Variants in PTPRD observed in about 807,000 individuals in gnomAD.
The protein encoded by PTPRD is protein tyrosine phosphatase receptor type D, also known as receptor-type tyrosine-protein phosphatase delta.
PTPRD carries 34 observed loss-of-function variants against 214.5 expected under a neutral mutation model. The observed-to-expected ratio is 0.16, with a 90% CI of 0.12 to 0.21. The LOEUF (loss-of-function observed/expected upper bound fraction) is 0.21. PTPRD is among the 10% of genes least tolerant of loss of function. The pLI, the probability that PTPRD is intolerant of heterozygous loss-of-function variation, is 1.00. For synonymous variants in PTPRD, 1,128 were observed against 845.7 expected, an observed-to-expected ratio of 1.33 and a Z score of -5.79; for missense variants, 2,545 against 2,398.7, an observed-to-expected ratio of 1.06 and a Z score of -1.27.
chr9:10,075,858 T>C (rs1196044728), intron 3 of PTPRD, among the ~76,000 whole-genome samples: 3 of 152,128 alleles, frequency 2.0e-5, no homozygotes, highest in Admixed American at 6.6e-5. Context: ...CTATCCAAGA[T>C]ATCTGCTTCA....
At chr9:10,031,486 T>A (rs2097066020) in intron 4 of PTPRD, among the ~76,000 whole-genome samples, 1 of 151,506 alleles carries the variant, frequency 6.6e-6, no homozygotes, top group Non-Finnish European at 1.5e-5. Context: ...TCTCCAGTGC[T>A]GGATGCTTCC....
intron 3 of PTPRD, among the ~76,000 whole-genome samples, chr9:10,281,826 T>C (rs1301063261): frequency 6.6e-6 from 1 of 152,178 alleles, no homozygotes; most frequent in African/African-American, 2.4e-5. Flanking sequence ...AAAGGTTTTT[T>C]AAGTGAACAT....
At position 9,030,276 on chromosome 9, in the gene PTPRD, C is replaced by CTTTTTTTTT. The variant is rs71317396; in HGVS notation, c.-142-11550_-142-11542dup. On this transcript the variant is annotated intron_variant, in intron 10 of 45. Transcript: ENST00000381196. ...TTGGATCACATGGGCCACACTTGGG[C>CTTTTTTTTT]TTTTTTTTTTTTTTTTTTTTTTTTT... 9.0e-4 allele frequency among the ~76,000 whole-genome samples: 34 copies of CTTTTTTTTT among 37,924 alleles called. 1 individual carries two copies. Among genetic ancestry groups the CTTTTTTTTT allele is most frequent in the African/African-American group, 1.5e-3 (14 of 9,206 alleles). The allele number at this position is 37,924 out of a possible 152,430, so 24.9% of individuals were successfully genotyped here. A position where few individuals can be genotyped will look rare whatever the true frequency, so the allele number is the denominator to read the frequency against.
chr9:9,167,823 T>A lies in PTPRD; in HGVS notation c.-143+15481A>T, dbSNP rs117231659. Among the ~76,000 whole-genome samples the A allele has an allele frequency of 5.8e-3, 886 of 152,242 alleles. 6 individuals are homozygous for A. The highest frequency in any genetic ancestry group is 0.01 in the Non-Finnish European group (696 of 68,004). The stretch of plus-strand genomic sequence containing the variant: ...TACAAAAAAGCAAAATTAATTTTTA[T>A]CCTGAATTTTAAACTCATTTTACAG... On this transcript the variant is annotated intron_variant, in intron 10 of 45. Coordinates refer to ENST00000381196, the MANE Select transcript of PTPRD (RefSeq NM_002839.4).
At chr9:9,149,839 G>A (rs1045091640) in intron 10 of PTPRD, among the ~76,000 whole-genome samples, 11 of 152,140 alleles carry the variant, frequency 7.2e-5, no homozygotes, top group Non-Finnish European at 1.3e-4. Context: ...TCATGAGGGC[G>A]TATCACTGAG....
At chr9:9,385,541 C>G (rs1413473486) in intron 9 of PTPRD, among the ~76,000 whole-genome samples, 1 of 152,090 alleles carries the variant, frequency 6.6e-6, no homozygotes, top group African/African-American at 2.4e-5. Context: ...ATAAAGTTAC[C>G]AGTCCTTTCA....
At chr9:8,887,610 AT>A (rs1014842655) in intron 11 of PTPRD, among the ~76,000 whole-genome samples, 14 of 151,942 alleles carry the variant, frequency 9.2e-5, no homozygotes, top group Admixed American at 1.3e-4. Flanking sequence ...AGATTACAAC[AT>A]TTTTTTATTG....
In PTPRD at chr9:8,636,859, A is replaced by G. The variant is rs573935566; in HGVS notation, c.65-15T>C. On this transcript the variant is annotated splice_polypyrimidine_tract_variant and intron_variant, in intron 12 of 45. Transcript: ENST00000381196. ...CCTTGGAGGTGCTGAAATAAAAAAT[A>G]AACATCACAGTTAAATTGAAAACTG... is the stretch of plus-strand genomic sequence containing the variant. 22 of 1,609,412 alleles carry G rather than the reference A, an allele frequency of 1.4e-5. No homozygotes were observed. The African/African-American group carries it at 2.5e-4, about 19-fold the overall frequency.
Position 10,443,845 on chromosome 9 carries a change from T to TCACACACACACACACACA in PTPRD, c.-599-102846_-599-102829dup, listed in dbSNP as rs141638837. On this transcript the variant is annotated intron_variant, in intron 2 of 45. Transcript: ENST00000381196. The stretch of plus-strand genomic sequence containing the variant: ...CTACACAGAGCTATTTACCTCAAAT[T>TCACACACACACACACACA]CACACACACACACACACACAAATGT... Among the ~76,000 whole-genome samples the TCACACACACACACACACA allele has an allele frequency of 6.2e-3, 922 of 148,692 alleles. 6 individuals are homozygous for TCACACACACACACACACA. Among genetic ancestry groups the TCACACACACACACACACA allele is most frequent in the African/African-American group, 0.022 (878 of 40,670 alleles).
chr9:10,388,851 A>G (rs1409958503), intron 2 of PTPRD, among the ~76,000 whole-genome samples: 1 of 151,916 alleles, frequency 6.6e-6, no homozygotes, highest in East Asian at 1.9e-4. Flanking sequence ...CAGAGAGACT[A>G]GAATTTAGTA....
intron 4 of PTPRD, among the ~76,000 whole-genome samples, chr9:10,028,865 A>G (rs1208949376): frequency 2.0e-5 from 3 of 152,326 alleles, no homozygotes; most frequent in Non-Finnish European, 2.9e-5. Context: ...TCAAATTCTA[A>G]TCACCAAGAC....
chr9:10,111,278 G>A (rs1242851594), intron 3 of PTPRD, among the ~76,000 whole-genome samples: 4 of 106,706 alleles, frequency 3.7e-5, no homozygotes, highest in South Asian at 3.3e-4. Flanking sequence ...TCGCTCTGTC[G>A]CCCAGGCTGG....
chr9:10,293,493 T>A (rs1288190599), intron 3 of PTPRD, among the ~76,000 whole-genome samples: 2 of 151,878 alleles, frequency 1.3e-5, no homozygotes, highest in African/African-American at 4.8e-5. Flanking sequence ...GCTAAAAAAG[T>A]AAAACACGTA....
At chr9:9,750,626 T>C (rs2098507981) in intron 6 of PTPRD, among the ~76,000 whole-genome samples, 1 of 152,048 alleles carries the variant, frequency 6.6e-6, no homozygotes, top group Admixed American at 6.6e-5. Flanking sequence ...GCACTAGGGG[T>C]GTGGGTATGT....
At chr9:8,622,594 G>A (rs918177631) in intron 14 of PTPRD, among the ~76,000 whole-genome samples, 1 of 151,888 alleles carries the variant, frequency 6.6e-6, no homozygotes, top group Non-Finnish European at 1.5e-5. Context: ...GAAGGCAAGT[G>A]GGGGTAGTTT....
intron 3 of PTPRD, among the ~76,000 whole-genome samples, chr9:10,279,798 G>C (rs894066905): frequency 6.6e-6 from 1 of 151,908 alleles, no homozygotes; most frequent in African/African-American, 2.4e-5. Context: ...TAGTCACTAA[G>C]TGTGGGTAAT....
At chr9:10,329,566 A>G (rs1224586943) in intron 3 of PTPRD, among the ~76,000 whole-genome samples, 2 of 151,852 alleles carry the variant, frequency 1.3e-5, no homozygotes, top group African/African-American at 2.4e-5. Context: ...TTGATTAGAA[A>G]CAACTTAATC....
intron 36 of PTPRD, among the ~76,000 whole-genome samples, chr9:8,403,332 A>C (rs1185895488): frequency 2.6e-5 from 4 of 152,228 alleles, no homozygotes; most frequent in Non-Finnish European, 5.9e-5. Flanking sequence ...TTGTTTTCTA[A>C]AATATCTTCA....
chr9:9,508,166 A>C (rs1419843203), intron 8 of PTPRD, among the ~76,000 whole-genome samples: 1 of 151,552 alleles, frequency 6.6e-6, no homozygotes, highest in Non-Finnish European at 1.5e-5. Context: ...GTACACATAC[A>C]ATCATATTTC....
Sources: allele counts gnomAD v4.1 joint callset (sites outside exome capture counted in the v4.1 genomes callset), GRCh38; gene constraint gnomAD v4.1.1; transcripts MANE v1.5; gene names NCBI Gene and HGNC (gene_info 2026-07-23, HGNC 2026-07-21).